Variants in SPEF2 observed in about 807,000 individuals in gnomAD.
SPEF2 encodes the protein sperm flagellar and cilia associated 2.
SPEF2 carries 187 observed loss-of-function variants against 224.6 expected under a neutral mutation model. That is an observed-to-expected ratio of 0.83 (90% CI 0.74 to 0.94). The LOEUF is 0.94. Ranked by LOEUF, SPEF2 falls within the 40% of genes least tolerant of loss-of-function variation. The pLI, the probability that SPEF2 is intolerant of heterozygous loss-of-function variation, is 0.00. For synonymous variants in SPEF2, 715 were observed against 707.3 expected, an observed-to-expected ratio of 1.01 and a Z score of -0.17; for missense variants, 2,170 against 2,135.6, an observed-to-expected ratio of 1.02 and a Z score of -0.32.
chr5:35,626,678 A>C (rs1333636152), intron 1 of SPEF2, among the ~76,000 whole-genome samples: 2 of 152,228 alleles, frequency 1.3e-5, no homozygotes, highest in Non-Finnish European at 2.9e-5. Flanking sequence ...ACATAGAATC[A>C]GTGGGAACCA....
intron 24 of SPEF2, among the ~76,000 whole-genome samples, chr5:35,755,759 A>G (rs1007286244): frequency 2.0e-5 from 3 of 151,954 alleles, no homozygotes; most frequent in Admixed American, 1.3e-4. Context: ...ACAGGCGCCC[A>G]CCACCACGCC....
chr5:35,754,479 G>T (rs984907305), intron 24 of SPEF2, among the ~76,000 whole-genome samples: 1 of 152,140 alleles, frequency 6.6e-6, no homozygotes, highest in Non-Finnish European at 1.5e-5. Context: ...CATCACAGGA[G>T]GTAGTTTTAG....
chr5:35,754,696 A>G (rs925355521), intron 24 of SPEF2, among the ~76,000 whole-genome samples: 1 of 152,192 alleles, frequency 6.6e-6, no homozygotes, highest in African/African-American at 2.4e-5. Flanking sequence ...AGGATTTACA[A>G]TGTCGTTTTC....
chr5:35,630,654 C>T (rs1744960125), intron 2 of SPEF2, among the ~76,000 whole-genome samples: 1 of 152,088 alleles, frequency 6.6e-6, no homozygotes, highest in East Asian at 1.9e-4. Context: ...CGAGATTGGG[C>T]CACTGCACTC....
intron 8 of SPEF2, among the ~76,000 whole-genome samples, chr5:35,666,225 T>C (rs1750443264): frequency 6.6e-6 from 1 of 152,150 alleles, no homozygotes; most frequent in South Asian, 2.1e-4. Context: ...AGGGAAGTCT[T>C]TTTCCTAGAG....
intron 26 of SPEF2, among the ~76,000 whole-genome samples, chr5:35,767,704 A>G (rs1007319235): frequency 6.6e-6 from 1 of 152,142 alleles, no homozygotes; most frequent in Admixed American, 6.6e-5. Flanking sequence ...ATCTACAACT[A>G]CATTAAATTT....
Position 35,806,969 on chromosome 5 carries a change from T to C in SPEF2, c.5256+17T>C, listed in dbSNP as rs200947111. 5.7e-6 allele frequency: 9 copies of C among 1,581,522 alleles called. No individual in the cohort carries two copies. The African/African-American group carries it at 8.2e-5, about 14-fold the overall frequency. ...TATGCAGAGGTTGGTTAAATTATTT[T>C]GAAAAAAGTTGGCCTCAATTCTGAG... On this transcript the variant is annotated intron_variant, in intron 35 of 36. Coordinates refer to ENST00000356031, the MANE Select transcript of SPEF2 (RefSeq NM_024867.4).
At chr5:35,748,332 G>A (rs959669026) in intron 23 of SPEF2, among the ~76,000 whole-genome samples, 5 of 151,734 alleles carry the variant, frequency 3.3e-5, no homozygotes, top group Non-Finnish European at 4.4e-5. Context: ...AAGCAAGATC[G>A]GAGCAGAACT....
At chr5:35,725,641 C>T (rs1580461378) in intron 20 of SPEF2, among the ~76,000 whole-genome samples, 1 of 152,146 alleles carries the variant, frequency 6.6e-6, no homozygotes, top group Admixed American at 6.5e-5. Flanking sequence ...CAGCTCTTGA[C>T]TTTTAATTAC....
intron 25 of SPEF2, among the ~76,000 whole-genome samples, chr5:35,761,708 G>A (rs901509250): frequency 6.6e-6 from 1 of 152,114 alleles, no homozygotes; most frequent in African/African-American, 2.4e-5. Flanking sequence ...ATCCAAAGGC[G>A]GTATAAACCA....
intron 19 of SPEF2, 65 bp from the exon 20 acceptor site, chr5:35,712,747 C>A: frequency 1.3e-6 from 2 of 1,514,704 alleles, no homozygotes; most frequent in Non-Finnish European, 1.8e-6. Flanking sequence ...AGCTTGCTTA[C>A]AATCATATAG....
intron 20 of SPEF2, among the ~76,000 whole-genome samples, chr5:35,716,431 T>C (rs1742594253): frequency 6.6e-6 from 1 of 151,952 alleles, no homozygotes; most frequent in Admixed American, 6.6e-5. Context: ...TAAAAAGACA[T>C]GTATATTAGG....
chr5:35,709,251 C>CA (rs137981337), intron 19 of SPEF2, 130 bp downstream of exon 19: 1 of 1,483,144 alleles, frequency 6.7e-7, no homozygotes, highest in East Asian at 2.5e-5. Flanking sequence ...GCTTTACACT[C>CA]AGATGGAAGT....
At chr5:35,669,130 G>A (rs1750897207) in intron 9 of SPEF2, among the ~76,000 whole-genome samples, 1 of 151,972 alleles carries the variant, frequency 6.6e-6, no homozygotes, top group Non-Finnish European at 1.5e-5. Flanking sequence ...CTCTGAATTT[G>A]TCTCTTCTAG....
At chr5:35,640,298 C>G (rs1223013243) in intron 2 of SPEF2, among the ~76,000 whole-genome samples, 1 of 152,144 alleles carries the variant, frequency 6.6e-6, no homozygotes, top group Non-Finnish European at 1.5e-5. Flanking sequence ...ACAGATGGCT[C>G]TCAGTTCACA....
chr5:35,763,648 T>C lies in SPEF2; in HGVS notation c.3747T>C (p.Asp1249=), dbSNP rs748687416. The change falls in exon 26 of 37, where the codon GAT becomes GAC. Residue 1249 remains aspartate, a synonymous_variant. Transcript: ENST00000356031. ...LENVESNFEA[D]EKLVMDTWQQ... is the part of the protein sequence containing the mutation. ...ACGTTGAGTCCAACTTTGAGGCCGA[T>C]GAAAAGTTGGTCATGGACACCTGGC... The C allele has an allele frequency of 2.0e-5, 32 of 1,613,896 alleles. No homozygotes were observed. Among genetic ancestry groups the C allele is most frequent in the Non-Finnish European group, 2.5e-5 (30 of 1,179,894 alleles).
chr5:35,621,697 C>A (rs1307331453), intron 1 of SPEF2, among the ~76,000 whole-genome samples: 5 of 152,156 alleles, frequency 3.3e-5, no homozygotes, highest in Non-Finnish European at 7.4e-5. Context: ...AGTGGCCCAG[C>A]CCATAGTTGC....
At chr5:35,708,658 A>G (rs1438924058) in intron 18 of SPEF2, among the ~76,000 whole-genome samples, 9 of 150,400 alleles carry the variant, frequency 6.0e-5, no homozygotes, top group African/African-American at 2.2e-4. Context: ...CTCCACCACC[A>G]CTACCACCAG....
At chr5:35,808,662 A>C (rs1354565958) in intron 36 of SPEF2, among the ~76,000 whole-genome samples, 3 of 151,192 alleles carry the variant, frequency 2.0e-5, no homozygotes, top group African/African-American at 7.3e-5. Flanking sequence ...ATAGATGGAC[A>C]TTTGGGTTGG....
Sources: gnomAD v4.1 joint callset for allele counts (sites outside exome capture counted in the v4.1 genomes callset) on GRCh38, gnomAD v4.1.1 for gene constraint, MANE v1.5 for transcripts, NCBI Gene and HGNC (gene_info 2026-07-23, HGNC 2026-07-21) for gene names.